PDE10A: variants seen among roughly 807,000 people sequenced by gnomAD.
PDE10A encodes the protein cAMP and cAMP-inhibited cGMP 3',5'-cyclic phosphodiesterase 10A.
Under a neutral mutation model 97.7 loss-of-function variants are expected in PDE10A, and 39 were observed. The observed-to-expected ratio is 0.40, with a 90% confidence interval of 0.31 to 0.52. PDE10A has a LOEUF of 0.52. Ranked by LOEUF, PDE10A falls within the 20% of genes least tolerant of loss-of-function variation. The pLI is 0.56. For synonymous variants in PDE10A, 371 were observed against 376.8 expected (o/e 0.98, Z 0.18); for missense variants, 731 against 1,047.8 (o/e 0.70, Z 4.17).
intron 3 of PDE10A, among the ~76,000 whole-genome samples, chr6:165,477,583 A>C (rs1427024042): frequency 6.6e-6 from 1 of 152,216 alleles, no homozygotes; most frequent in East Asian, 1.9e-4. Context: ...CAGTAGTTTC[A>C]AAAGTGCATT....
intron 3 of PDE10A, among the ~76,000 whole-genome samples, chr6:165,469,870 C>T (rs1275383030): frequency 6.6e-6 from 1 of 152,174 alleles, no homozygotes. Context: ...TTGGACCATT[C>T]AAAGCCCACC....
chr6:165,928,630 A>T (rs1783021550), intron 1 of PDE10A, among the ~76,000 whole-genome samples: 1 of 152,230 alleles, frequency 6.6e-6, no homozygotes, highest in Admixed American at 6.5e-5. Flanking sequence ...TACAGGAAAT[A>T]AAAGGCAAAG....
chr6:165,407,903 AAG>A (rs1394062609), intron 13 of PDE10A, among the ~76,000 whole-genome samples: 2 of 152,214 alleles, frequency 1.3e-5, no homozygotes, highest in African/African-American at 2.4e-5. Context: ...CAATAAATGA[AAG>A]AGAGATGCTG....
intron 1 of PDE10A, among the ~76,000 whole-genome samples, chr6:165,560,568 G>A (rs1254101049): frequency 6.6e-6 from 1 of 152,184 alleles, no homozygotes; most frequent in Non-Finnish European, 1.5e-5. Flanking sequence ...TGAGACAACA[G>A]AAAACTAATA....
chr6:165,616,657 G>A (rs1430935264), intron 1 of PDE10A, among the ~76,000 whole-genome samples: 1 of 152,146 alleles, frequency 6.6e-6, no homozygotes, highest in Non-Finnish European at 1.5e-5. Flanking sequence ...GAGTTTCAAA[G>A]ACTAGCTTCT....
chr6:165,953,282 G>T (rs904337100), intron 1 of PDE10A, among the ~76,000 whole-genome samples: 1 of 152,070 alleles, frequency 6.6e-6, no homozygotes. Flanking sequence ...AAATTTGAGG[G>T]CTGTTTAATA....
intron 17 of PDE10A, among the ~76,000 whole-genome samples, chr6:165,387,003 G>T (rs1243878992): frequency 6.6e-6 from 1 of 151,972 alleles, no homozygotes; most frequent in African/African-American, 2.4e-5. Flanking sequence ...GCGACACAGC[G>T]AGACTCTGTC....
At chr6:165,838,599 T>G (rs1162280552) in intron 1 of PDE10A, among the ~76,000 whole-genome samples, 1 of 152,212 alleles carries the variant, frequency 6.6e-6, no homozygotes, top group Admixed American at 6.5e-5. Context: ...CAGCCACTAC[T>G]TTCAAGACAA....
At chr6:165,677,950 G>A (rs1790847860) in intron 1 of PDE10A, among the ~76,000 whole-genome samples, 1 of 151,838 alleles carries the variant, frequency 6.6e-6, no homozygotes, top group Non-Finnish European at 1.5e-5. Context: ...ATATCCGTGT[G>A]TGTGTTTGTA....
intron 1 of PDE10A, among the ~76,000 whole-genome samples, chr6:165,811,353 C>T (rs999616449): frequency 2.6e-5 from 4 of 152,246 alleles, no homozygotes; most frequent in Admixed American, 6.5e-5. Flanking sequence ...CACCTTTCTT[C>T]ATCAGTCCTC....
At chr6:165,850,285 G>A (rs1417835122) in intron 1 of PDE10A, among the ~76,000 whole-genome samples, 1 of 152,188 alleles carries the variant, frequency 6.6e-6, no homozygotes, top group African/African-American at 2.4e-5. Context: ...TATCATCACA[G>A]CAAAAGAGGC....
chr6:165,939,541 G>A (rs1340677742), intron 1 of PDE10A: 1 of 152,118 alleles, frequency 6.6e-6, no homozygotes, highest in Non-Finnish European at 1.5e-5. Flanking sequence ...ACATGGATAA[G>A]TTCTTTAGTG....
chr6:165,513,651 T>A (rs934561530), intron 2 of PDE10A, among the ~76,000 whole-genome samples: 25 of 152,158 alleles, frequency 1.6e-4, no homozygotes, highest in Admixed American at 9.2e-4. Context: ...AGACAATTCA[T>A]AAAGAGTAAA....
chr6:165,382,977 T>C (rs142228653), intron 17 of PDE10A, among the ~76,000 whole-genome samples: 1,808 of 152,302 alleles, frequency 0.012, 29 homozygotes, highest in African/African-American at 0.041. Flanking sequence ...GCTATAATTG[T>C]AATATACAAC....
chr6:165,847,348 T>C (rs6900261), intron 1 of PDE10A, among the ~76,000 whole-genome samples: 141,503 of 152,310 alleles, frequency 0.93, 65,857 homozygotes, highest in East Asian at 1. Flanking sequence ...AGCGGCTATA[T>C]GTTACTGAAA....
intron 18 of PDE10A, among the ~76,000 whole-genome samples, chr6:165,361,209 A>G (rs1198251124): frequency 6.6e-6 from 1 of 152,216 alleles, no homozygotes; most frequent in East Asian, 1.9e-4. Flanking sequence ...AAACAGGCCT[A>G]AAAGACATGT....
At chr6:165,350,726 G>T (rs536372045) in intron 18 of PDE10A, among the ~76,000 whole-genome samples, 1 of 152,048 alleles carries the variant, frequency 6.6e-6, no homozygotes, top group Non-Finnish European at 1.5e-5. Context: ...TGAAACATGG[G>T]GGCAGTTTCC....
At chr6:165,811,213 A>T (rs943099895) in intron 1 of PDE10A, among the ~76,000 whole-genome samples, 1 of 152,130 alleles carries the variant, frequency 6.6e-6, no homozygotes, top group Non-Finnish European at 1.5e-5. Flanking sequence ...ACAAAGCAAG[A>T]CTCCGTCTCA....
chr6:165,958,565 GACAGAC>G (rs1562327319), intron 1 of PDE10A, among the ~76,000 whole-genome samples: 286 of 9,508 alleles, frequency 0.03, 23 homozygotes, highest in African/African-American at 0.089. Flanking sequence ...AAGAAAGAAA[GACAGAC>G]AGAAAGAAAG....
Sources: allele counts gnomAD v4.1 joint callset (sites outside exome capture counted in the v4.1 genomes callset), GRCh38; gene constraint gnomAD v4.1.1; transcripts MANE v1.5; gene names NCBI Gene and HGNC (gene_info 2026-07-23, HGNC 2026-07-21).